DAB1: variants seen among roughly 807,000 people sequenced by gnomAD.
DAB1 encodes the protein DAB adaptor protein 1.
Under a neutral mutation model 64.6 loss-of-function variants are expected in DAB1, and 15 were observed. The ratio of observed to expected loss-of-function variants is 0.23; its 90% CI spans 0.16 to 0.36. The LOEUF is 0.36. DAB1 is among the 10% of genes least tolerant of loss of function. The probability of loss-of-function intolerance (pLI) is 1.00; values close to 1 mark genes in which losing one functional copy is unlikely to be tolerated. For missense variants in DAB1, 596 were observed against 706.7 expected (o/e 0.84, Z 1.78); for synonymous variants, 235 against 251.9 (o/e 0.93, Z 0.64).
intron 5 of DAB1, among the ~76,000 whole-genome samples, chr1:57,980,531 T>C (rs1646039683): frequency 1.3e-5 from 2 of 152,120 alleles, no homozygotes; most frequent in South Asian, 4.1e-4. Context: ...ATGCACCCAC[T>C]CATGCTTTCT....
At chr1:57,294,467 T>TC (rs1673033118) in intron 1 of DAB1, among the ~76,000 whole-genome samples, 1 of 150,256 alleles carries the variant, frequency 6.7e-6, no homozygotes, top group Admixed American at 6.6e-5. Context: ...AGATATGCCT[T>TC]TTTTTTTTAA....
chr1:57,328,475 C>T (rs1173104185), intron 1 of DAB1, among the ~76,000 whole-genome samples: 2 of 152,110 alleles, frequency 1.3e-5, no homozygotes, highest in African/African-American at 2.4e-5. Context: ...CTTGATCCTC[C>T]GAGGATGGAA....
intron 2 of DAB1, among the ~76,000 whole-genome samples, chr1:57,199,503 G>C (rs942737843): frequency 2.6e-5 from 4 of 152,184 alleles, no homozygotes; most frequent in East Asian, 1.9e-4. Context: ...TGGGGGAAAT[G>C]TAACCATAGC....
At chr1:57,604,497 G>A (rs1645612858) in intron 7 of DAB1, among the ~76,000 whole-genome samples, 1 of 152,086 alleles carries the variant, frequency 6.6e-6, no homozygotes. Flanking sequence ...GTTCCCAGCT[G>A]TTTAAGTTAT....
At chr1:58,539,165 T>C (rs1414081589) in intron 1 of DAB1, 2 of 872,868 alleles carry the variant, frequency 2.3e-6, no homozygotes, top group Non-Finnish European at 4.0e-6. Flanking sequence ...ACTATATGGT[T>C]AACTTGTACT....
chr1:58,369,362 G>A (rs1644245210), intron 3 of DAB1, among the ~76,000 whole-genome samples: 1 of 152,138 alleles, frequency 6.6e-6, no homozygotes, highest in Non-Finnish European at 1.5e-5. Flanking sequence ...TTGGTTATAA[G>A]ACACATTTTT....
intron 6 of DAB1, among the ~76,000 whole-genome samples, chr1:57,811,610 C>A (rs1025088850): frequency 2.0e-5 from 3 of 152,240 alleles, no homozygotes; most frequent in Admixed American, 6.5e-5. Context: ...TGGGAATGGA[C>A]GAATGCAGTA....
intron 2 of DAB1, among the ~76,000 whole-genome samples, chr1:57,179,037 C>A (rs1409364331): frequency 6.6e-6 from 1 of 152,156 alleles, no homozygotes; most frequent in Non-Finnish European, 1.5e-5. Flanking sequence ...AGGAGACTCT[C>A]AGGGAATCCA....
chr1:58,419,676 C>A (rs1331415534), intron 3 of DAB1, among the ~76,000 whole-genome samples: 1 of 152,182 alleles, frequency 6.6e-6, no homozygotes, highest in African/African-American at 2.4e-5. Flanking sequence ...GCCATTCAAA[C>A]GCCCAATTTG....
chr1:57,434,122 T>C (rs957203720), intron 7 of DAB1, among the ~76,000 whole-genome samples: 4 of 152,148 alleles, frequency 2.6e-5, no homozygotes, highest in African/African-American at 9.6e-5. Context: ...GGAGTACTTG[T>C]AGGTATTCCA....
At chr1:57,156,933 A>G (rs887861365) in intron 2 of DAB1, among the ~76,000 whole-genome samples, 41 of 152,202 alleles carry the variant, frequency 2.7e-4, no homozygotes, top group African/African-American at 9.9e-4. Flanking sequence ...GTCTCTGCCA[A>G]TGTTGAGGTC....
At chr1:57,537,565 T>C (rs903035539) in intron 7 of DAB1, among the ~76,000 whole-genome samples, 1 of 152,100 alleles carries the variant, frequency 6.6e-6, no homozygotes, top group Non-Finnish European at 1.5e-5. Flanking sequence ...CCCAGACTTT[T>C]TTTTCAAAAA....
chr1:57,179,793 T>C (rs1662718534), intron 2 of DAB1, among the ~76,000 whole-genome samples: 1 of 152,192 alleles, frequency 6.6e-6, no homozygotes, highest in Non-Finnish European at 1.5e-5. Context: ...TTGAAATTGC[T>C]TTACATGTCA....
intron 5 of DAB1, among the ~76,000 whole-genome samples, chr1:58,002,664 G>A (rs1355544864): frequency 3.3e-5 from 5 of 151,732 alleles, no homozygotes; most frequent in Non-Finnish European, 7.4e-5. Flanking sequence ...GTTAACACAA[G>A]GTGTATATAT....
chr1:57,063,684 A>G (rs1650630130), intron 8 of DAB1, among the ~76,000 whole-genome samples: 1 of 152,236 alleles, frequency 6.6e-6, no homozygotes, highest in African/African-American at 2.4e-5. Context: ...ATGGAGTAAG[A>G]AAATGGATAT....
intron 3 of DAB1, among the ~76,000 whole-genome samples, chr1:58,362,055 G>T (rs577815136): frequency 7.9e-5 from 12 of 151,838 alleles, no homozygotes; most frequent in Non-Finnish European, 1.3e-4. Context: ...AGTAGAGATG[G>T]CGTTTCACCA....
intron 7 of DAB1, among the ~76,000 whole-genome samples, chr1:57,433,720 C>T (rs933673810): frequency 6.6e-6 from 1 of 151,678 alleles, no homozygotes; most frequent in Non-Finnish European, 1.5e-5. Context: ...TGGTAAACCA[C>T]AAACTTGGGG....
chr1:58,426,345 G>C lies in DAB1; in HGVS notation n.257+79715C>G, dbSNP rs1644821814. ...GGACTTCAGGAAACAGGAAGAAAGA[G>C]AGTTAACCCATATTGAGGACACCTG... On this transcript the variant is annotated intron_variant and non_coding_transcript_variant, in intron 3 of 20. Transcript: ENST00000485760. 1.3e-5 allele frequency among the ~76,000 whole-genome samples: 2 copies of C among 152,184 alleles called. 1 individual carries two copies. The highest frequency in any genetic ancestry group is 3.9e-4 in the East Asian group (2 of 5,194).
intron 2 of DAB1, among the ~76,000 whole-genome samples, chr1:58,524,273 T>C (rs551196218): frequency 1.3e-5 from 2 of 152,206 alleles, no homozygotes; most frequent in Non-Finnish European, 2.9e-5. Context: ...CTTAACGATT[T>C]TCTTAAAGCA....
Sources: allele counts gnomAD v4.1 joint callset (sites outside exome capture counted in the v4.1 genomes callset), GRCh38; gene constraint gnomAD v4.1.1; transcripts MANE v1.5; gene names NCBI Gene and HGNC (gene_info 2026-07-23, HGNC 2026-07-21).